Variants in CHRM3 observed in about 807,000 individuals in gnomAD.
The protein encoded by CHRM3 is cholinergic receptor muscarinic 3.
A neutral mutation model predicts 41.8 loss-of-function variants in CHRM3; 11 were observed. That is an observed-to-expected ratio of 0.26 (90% CI 0.17 to 0.44). CHRM3 has a LOEUF of 0.44. Ranked by LOEUF, CHRM3 falls within the 20% of genes least tolerant of loss-of-function variation. The pLI, the probability that CHRM3 is intolerant of heterozygous loss-of-function variation, is 1.00. For synonymous variants in CHRM3, 297 were observed against 301.4 expected, an observed-to-expected ratio of 0.99 and a Z score of 0.15; for missense variants, 571 against 745.4, an observed-to-expected ratio of 0.77 and a Z score of 2.72.
At chr1:239,495,535 C>G (rs946356) in intron 2 of CHRM3, among the ~76,000 whole-genome samples, 23,874 of 152,118 alleles carry the variant, frequency 0.16, 2,370 homozygotes, top group Non-Finnish European at 0.2. Flanking sequence ...GGGATTTATG[C>G]TCTCTGAAGT....
intron 1 of CHRM3, among the ~76,000 whole-genome samples, chr1:239,399,375 A>G (rs1458522640): frequency 5.5e-5 from 8 of 144,898 alleles, no homozygotes; most frequent in Non-Finnish European, 1.2e-4. Flanking sequence ...TATAAGATCT[A>G]TTCTCTTAGC....
intron 5 of CHRM3, among the ~76,000 whole-genome samples, chr1:239,810,874 T>A (rs1197515400): frequency 6.6e-6 from 1 of 152,198 alleles, no homozygotes; most frequent in African/African-American, 2.4e-5. Flanking sequence ...AAAATCGCCA[T>A]CTGTAAGAAT....
At chr1:239,809,309 C>T (rs547034341) in intron 5 of CHRM3, among the ~76,000 whole-genome samples, 14 of 152,090 alleles carry the variant, frequency 9.2e-5, no homozygotes, top group African/African-American at 3.1e-4. Context: ...CGTGAGCCAC[C>T]GCACCCGGCC....
chr1:239,499,300 A>T (rs1405117908), intron 2 of CHRM3, among the ~76,000 whole-genome samples: 1 of 152,178 alleles, frequency 6.6e-6, no homozygotes, highest in Non-Finnish European at 1.5e-5. Context: ...CAGGAGGGTC[A>T]GAACTGGGCT....
intron 3 of CHRM3, among the ~76,000 whole-genome samples, chr1:239,609,616 A>G (rs553607450): frequency 3.3e-5 from 5 of 152,228 alleles, no homozygotes; most frequent in Admixed American, 6.5e-5. Flanking sequence ...TCAGCAGCAG[A>G]TGACAATTCC....
At chr1:239,535,135 G>A (rs768602802) in intron 2 of CHRM3, among the ~76,000 whole-genome samples, 3 of 152,074 alleles carry the variant, frequency 2.0e-5, no homozygotes, top group Non-Finnish European at 4.4e-5. Flanking sequence ...CTCAGAAGTG[G>A]AATTAATTCA....
chr1:239,427,442 A>T (rs560114258), intron 1 of CHRM3, among the ~76,000 whole-genome samples: 1 of 152,116 alleles, frequency 6.6e-6, no homozygotes, highest in Non-Finnish European at 1.5e-5. Flanking sequence ...GTGGGACCTT[A>T]GCCTCAGTAG....
chr1:239,844,053 A>G (rs1283948308), intron 6 of CHRM3, among the ~76,000 whole-genome samples: 2 of 152,146 alleles, frequency 1.3e-5, no homozygotes, highest in African/African-American at 4.8e-5. Flanking sequence ...CATATGCATT[A>G]CCTCACTTAT....
At chr1:239,538,201 T>C (rs1321457565) in intron 2 of CHRM3, among the ~76,000 whole-genome samples, 1 of 152,220 alleles carries the variant, frequency 6.6e-6, no homozygotes, top group Non-Finnish European at 1.5e-5. Flanking sequence ...TTGCCAAGTA[T>C]CCCTTCCTTT....
At chr1:239,895,406 C>G (rs185218273) in intron 6 of CHRM3, among the ~76,000 whole-genome samples, 37 of 152,318 alleles carry the variant, frequency 2.4e-4, no homozygotes, top group Admixed American at 9.1e-4. Context: ...GACACAACCT[C>G]CATTCCTGCC....
At chr1:239,528,205 G>A (rs1670131047) in intron 2 of CHRM3, among the ~76,000 whole-genome samples, 1 of 152,200 alleles carries the variant, frequency 6.6e-6, no homozygotes, top group African/African-American at 2.4e-5. Flanking sequence ...CGAGCTCATA[G>A]ACAGACCTCT....
At chr1:239,834,148 TCACACACACACACACA>T (rs34990180) in intron 6 of CHRM3, among the ~76,000 whole-genome samples, 253 of 135,316 alleles carry the variant, frequency 1.9e-3, no homozygotes, top group Non-Finnish European at 2.9e-3. Context: ...TAATTCCACA[TCACACACACACACACA>T]CACACACACA....
chr1:239,901,287 T>C (rs538879283), intron 6 of CHRM3, among the ~76,000 whole-genome samples: 49 of 152,142 alleles, frequency 3.2e-4, no homozygotes, highest in African/African-American at 1.0e-3. Flanking sequence ...ATCTGCCCCC[T>C]TTTAACTCTC....
intron 3 of CHRM3, among the ~76,000 whole-genome samples, chr1:239,595,159 C>G (rs376719490): frequency 6.6e-6 from 1 of 152,096 alleles, no homozygotes; most frequent in African/African-American, 2.4e-5. Flanking sequence ...ACTTTTATTC[C>G]CTAAACAATA....
At chr1:239,469,771 G>A (rs867716505) in intron 1 of CHRM3, among the ~76,000 whole-genome samples, 5 of 152,060 alleles carry the variant, frequency 3.3e-5, no homozygotes, top group Non-Finnish European at 7.4e-5. Flanking sequence ...TGGCCAGGGT[G>A]GTCCCAAGTT....
At chr1:239,531,937 G>A (rs1315946208) in intron 2 of CHRM3, among the ~76,000 whole-genome samples, 1 of 150,318 alleles carries the variant, frequency 6.7e-6, no homozygotes, top group African/African-American at 2.4e-5. Flanking sequence ...GGGATTACAG[G>A]CTCGAGCCGC....
chr1:239,757,871 G>A (rs1666374510), intron 5 of CHRM3, among the ~76,000 whole-genome samples: 2 of 152,142 alleles, frequency 1.3e-5, no homozygotes. Flanking sequence ...AAGCAGCAGT[G>A]GCTTAAGCAC....
At chr1:239,484,601 A>G (rs1429164470) in intron 1 of CHRM3, among the ~76,000 whole-genome samples, 2 of 152,176 alleles carry the variant, frequency 1.3e-5, no homozygotes, top group East Asian at 3.9e-4. Flanking sequence ...CAGGAGGTTA[A>G]GGTGGGAGGA....
At chr1:239,768,206 T>C (rs999196773) in intron 5 of CHRM3, among the ~76,000 whole-genome samples, 3 of 152,186 alleles carry the variant, frequency 2.0e-5, no homozygotes, top group African/African-American at 7.2e-5. Context: ...TGCCCAATTT[T>C]TCAGATCTAT....
Sources: allele counts gnomAD v4.1 joint callset (sites outside exome capture counted in the v4.1 genomes callset), GRCh38; gene constraint gnomAD v4.1.1; transcripts MANE v1.5; gene names NCBI Gene and HGNC (gene_info 2026-07-23, HGNC 2026-07-21).